Variants in PTPRN2 observed in about 807,000 individuals in gnomAD.
PTPRN2 encodes receptor-type tyrosine-protein phosphatase N2.
PTPRN2 carries 74 observed loss-of-function variants against 118.8 expected under a neutral mutation model. The ratio of observed to expected loss-of-function variants is 0.62; its 90% CI spans 0.52 to 0.76. The LOEUF (loss-of-function observed/expected upper bound fraction) is 0.76. PTPRN2 is among the 30% of genes least tolerant of loss of function. The pLI, the probability that PTPRN2 is intolerant of heterozygous loss-of-function variation, is 0.00. For missense variants in PTPRN2, 1,481 were observed against 1,394.4 expected (o/e 1.06, Z -0.99); for synonymous variants, 641 against 608.0 (o/e 1.05, Z -0.80).
rs185389180 is a variant in PTPRN2, at chr7:158,047,050, G to A, written c.1723+34248C>T. ...TAAAAACGCCCCCGCCCCTCGCCCC[G>A]GAATGGAGCCTCCAGATACACTCAA... On this transcript the variant is annotated intron_variant, in intron 11 of 22. Coordinates refer to ENST00000389418, the MANE Select transcript of PTPRN2 (RefSeq NM_002847.5). 2.8e-4 allele frequency among the ~76,000 whole-genome samples: 42 copies of A among 152,294 alleles called. No homozygotes were observed. The East Asian group carries it at 4.5e-3, about 16-fold the overall frequency.
At chr7:157,719,120 A>T (rs1181895029) in intron 12 of PTPRN2, among the ~76,000 whole-genome samples, 1 of 151,858 alleles carries the variant, frequency 6.6e-6, no homozygotes, top group Non-Finnish European at 1.5e-5. Flanking sequence ...CCAAACCCAC[A>T]TCTCCCATTC....
chr7:158,580,727 G>A (rs1828584485), intron 1 of PTPRN2, among the ~76,000 whole-genome samples: 1 of 152,178 alleles, frequency 6.6e-6, no homozygotes, highest in South Asian at 2.1e-4. Context: ...TCTGAGATGA[G>A]AGCTCACTTC....
At chr7:158,461,979 C>T (rs1450206719) in intron 2 of PTPRN2, among the ~76,000 whole-genome samples, 5 of 152,306 alleles carry the variant, frequency 3.3e-5, no homozygotes, top group Admixed American at 6.5e-5. Flanking sequence ...CAGGAGCCGG[C>T]GCTTGGGTGA....
intron 3 of PTPRN2, among the ~76,000 whole-genome samples, chr7:158,266,911 G>A (rs900417082): frequency 4.6e-5 from 7 of 152,162 alleles, no homozygotes; most frequent in Non-Finnish European, 5.9e-5. Flanking sequence ...CTGTGGGGCC[G>A]GCCTTCAGGG....
chr7:158,568,303 C>T (rs982671170), intron 1 of PTPRN2, among the ~76,000 whole-genome samples: 1 of 152,164 alleles, frequency 6.6e-6, no homozygotes, highest in African/African-American at 2.4e-5. Flanking sequence ...TCTAGCTCAA[C>T]TTCCTCATTT....
In PTPRN2 at chr7:158,525,358, G is replaced by A. The variant is rs529299854; in HGVS notation, c.113-35573C>T. On this transcript the variant is annotated intron_variant, in intron 1 of 22. Transcript: ENST00000389418. This position sits in a 1 kb window ranked among gnomAD's most constrained non-coding sequence, Gnocchi z 4.1. ...CAGAAGCTGCAGCAGAAGGTAGCAC[G>A]GGCAGGATGCTAGGCCCCAGGGGCC... 1.4e-4 allele frequency among the ~76,000 whole-genome samples: 21 copies of A among 152,230 alleles called. No homozygotes were observed. Among genetic ancestry groups the A allele is most frequent in the Admixed American group, 1.2e-3 (18 of 15,286 alleles).
At chr7:157,641,422 T>C (rs1357924005) in intron 14 of PTPRN2, among the ~76,000 whole-genome samples, 2 of 152,254 alleles carry the variant, frequency 1.3e-5, no homozygotes, top group East Asian at 1.9e-4. Flanking sequence ...CTTGGCAACA[T>C]GGTTTCTATA....
At chr7:157,718,783 C>T (rs549840582) in intron 12 of PTPRN2, among the ~76,000 whole-genome samples, 26 of 152,262 alleles carry the variant, frequency 1.7e-4, no homozygotes, top group Non-Finnish European at 3.5e-4. Context: ...CACGTCCAGG[C>T]GTCCGCGGTG....
At chr7:158,131,687 CTCATACACACAT>C (rs1818319415) in intron 9 of PTPRN2, among the ~76,000 whole-genome samples, 1 of 148,630 alleles carries the variant, frequency 6.7e-6, no homozygotes, top group Non-Finnish European at 1.5e-5. Context: ...CCGACACACA[CTCATACACACAT>C]GCAAATATGC....
intron 3 of PTPRN2, among the ~76,000 whole-genome samples, chr7:158,293,114 A>C (rs1016372093): frequency 1.3e-5 from 2 of 152,100 alleles, no homozygotes; most frequent in African/African-American, 4.8e-5. Flanking sequence ...CTGACCATGA[A>C]TGGAGCCTGC....
chr7:158,496,356 G>GCGCCCCTTCCCCA (rs1821858386), intron 1 of PTPRN2, among the ~76,000 whole-genome samples: 2 of 45,168 alleles, frequency 4.4e-5, no homozygotes, highest in South Asian at 2.6e-3. Context: ...CCCCTTCCCT[G>GCGCCCCTTCCCCA]CGCCCCTTCC....
At chr7:157,952,356 G>GA (rs1369632227) in intron 11 of PTPRN2, among the ~76,000 whole-genome samples, 4 of 148,658 alleles carry the variant, frequency 2.7e-5, no homozygotes, top group African/African-American at 4.9e-5. Context: ...CACGAAGGGA[G>GA]ACAGGCGAGG....
chr7:158,283,447 G>A (rs766849341), intron 3 of PTPRN2, among the ~76,000 whole-genome samples: 3 of 152,196 alleles, frequency 2.0e-5, no homozygotes, highest in African/African-American at 4.8e-5. Flanking sequence ...CACTGAGAGG[G>A]TAACCAGGCT....
At position 158,205,240 on chromosome 7, in the gene PTPRN2, AC is replaced by A; in HGVS notation, c.310del (p.Val104Ter). 6.2e-7 allele frequency: 1 copy of A among 1,614,134 alleles called. No homozygotes were observed. The highest frequency in any genetic ancestry group is 8.5e-7 in the Non-Finnish European group (1 of 1,180,032). ...GAGGTCTGCAAGTTCCTGGTCCATCACATACTGAGTATAGTCATCCTGCCAC... is the reference window on the plus strand; with the variant it reads ...GAGGTCTGCAAGTTCCTGGTCCATCAATACTGAGTATAGTCATCCTGCCAC... ...FTWQDDYTQYVMDQELADLPK... is the reference protein window; with the variant it reads ...FTWQDDYTQYXMDQELADLPK... On this transcript the variant is annotated frameshift_variant, in exon 4 of 23. Coordinates refer to ENST00000389418, the MANE Select transcript of PTPRN2 (RefSeq NM_002847.5). LOFTEE classifies it high-confidence loss of function.
intron 12 of PTPRN2, among the ~76,000 whole-genome samples, chr7:157,837,113 C>T (rs1808008522): frequency 3.5e-5 from 5 of 141,982 alleles, no homozygotes; most frequent in South Asian, 2.4e-4. Context: ...ATCCACTCAC[C>T]ACCACCTGTC....
intron 12 of PTPRN2, chr7:157,865,790 C>G (rs911803006): frequency 2.0e-5 from 3 of 152,192 alleles, no homozygotes; most frequent in African/African-American, 7.2e-5. Context: ...AGCCCCAGGT[C>G]CTGATGTTAC....
intron 6 of PTPRN2, among the ~76,000 whole-genome samples, chr7:158,163,266 C>A (rs763698997): frequency 8.6e-5 from 13 of 151,842 alleles, no homozygotes; most frequent in Non-Finnish European, 1.3e-4. Context: ...TTAGGTGACG[C>A]CTGTACGGGG....
Position 157,560,382 on chromosome 7 carries a change from G to T in PTPRN2, c.2902+8520C>A, listed in dbSNP as rs1799124618. ...GCCCAGAGCGTGTTCCCCAAGACCA[G>T]CGGGTCTCATGCTGTCCACACGCTC... is the stretch of plus-strand genomic sequence containing the variant. On this transcript the variant is annotated intron_variant, in intron 21 of 22. Coordinates refer to ENST00000389418, the MANE Select transcript of PTPRN2 (RefSeq NM_002847.5). The surrounding 1 kb of genome is among the most constrained non-coding windows in gnomAD (Gnocchi z 6.7). Among the ~76,000 whole-genome samples the T allele has an allele frequency of 1.3e-5, 2 of 152,144 alleles. No homozygotes were observed. Among genetic ancestry groups the T allele is most frequent in the Non-Finnish European group, 2.9e-5 (2 of 68,002 alleles).
intron 2 of PTPRN2, among the ~76,000 whole-genome samples, chr7:158,369,089 C>T (rs1809754815): frequency 6.6e-6 from 1 of 152,084 alleles, no homozygotes; most frequent in Non-Finnish European, 1.5e-5. Flanking sequence ...CTAGACTGGC[C>T]TAGCCTCCCA....
Sources: allele counts gnomAD v4.1 joint callset (sites outside exome capture counted in the v4.1 genomes callset), GRCh38; gene constraint gnomAD v4.1.1; non-coding constraint Gnocchi (gnomAD v3.1); transcripts MANE v1.5; gene names NCBI Gene and HGNC (gene_info 2026-07-23, HGNC 2026-07-21).